The following NFILZ variants were observed in gnomAD, a reference collection of about 807,000 sequenced individuals.
NFILZ encodes NFIL3 like protein.
At chr19:8,647,748 A>AACACACACACACACACACAC (rs138740763) in intron 3 of NFILZ, among the ~76,000 whole-genome samples, 6 of 137,152 alleles carry the variant, frequency 4.4e-5, no homozygotes, top group Non-Finnish European at 7.9e-5. Flanking sequence ...GGAGGGGAAC[A>AACACACACACACACACACAC]ACACACACAC....
At chr19:8,654,021 G>A (rs1201268587) in intron 3 of NFILZ, among the ~76,000 whole-genome samples, 1 of 152,100 alleles carries the variant, frequency 6.6e-6, no homozygotes, top group Non-Finnish European at 1.5e-5. Context: ...CTGAGGTCAG[G>A]AGTTTGAGAA....
chr19:8,640,191 C>G, intron 3 of NFILZ, among the ~76,000 whole-genome samples: 1 of 152,064 alleles, frequency 6.6e-6, no homozygotes, highest in East Asian at 1.9e-4. Flanking sequence ...TGCGGGTGAA[C>G]CGGTCCTGTG....
At chr19:8,655,275 G>A (rs941563665) in intron 3 of NFILZ, among the ~76,000 whole-genome samples, 29 of 152,300 alleles carry the variant, frequency 1.9e-4, no homozygotes, top group Admixed American at 2.0e-4. Flanking sequence ...TTTGCCCCTG[G>A]ATCTTTCTAG....
intron 3 of NFILZ, among the ~76,000 whole-genome samples, chr19:8,649,343 G>A (rs1053571770): frequency 1.6e-4 from 24 of 152,046 alleles, no homozygotes; most frequent in African/African-American, 5.8e-4. Flanking sequence ...TTGGCTCACT[G>A]AAACCTCTAC....
chr19:8,670,497 TGTGA>T (rs1251151304), intron 3 of NFILZ, among the ~76,000 whole-genome samples: 30 of 152,056 alleles, frequency 2.0e-4, no homozygotes, highest in Non-Finnish European at 4.4e-4. Context: ...ATGAGTGAAA[TGTGA>T]GTGAGTGAAT....
At chr19:8,645,349 G>A (rs910270648) in intron 3 of NFILZ, among the ~76,000 whole-genome samples, 2 of 149,830 alleles carry the variant, frequency 1.3e-5, no homozygotes, top group Admixed American at 1.3e-4. Context: ...ATGTTGCCCA[G>A]GCTGGTCTTC....
At chr19:8,659,561 G>T (rs553383887) in intron 3 of NFILZ, among the ~76,000 whole-genome samples, 11 of 152,254 alleles carry the variant, frequency 7.2e-5, no homozygotes, top group African/African-American at 2.6e-4. Context: ...CCCTGTGAGT[G>T]GGGGAAGAGA....
intron 2 of NFILZ, among the ~76,000 whole-genome samples, chr19:8,635,070 G>A (rs1305562948): frequency 6.6e-6 from 1 of 151,982 alleles, no homozygotes; most frequent in African/African-American, 2.4e-5. Flanking sequence ...AGCACTTTGG[G>A]AGGCTGAGGC....
rs2042972035 is a variant in NFILZ, at chr19:8,652,971, CCTTCCTT to C, written c.-164+17227_-164+17233del. Among the ~76,000 whole-genome samples the C allele has an allele frequency of 9.0e-4, 93 of 103,754 alleles. 1 individual carries two copies. The highest frequency in any genetic ancestry group is 1.4e-3 in the African/African-American group (32 of 22,764). The allele number at this position is 103,754 out of a possible 152,430, so 68.1% of individuals were successfully genotyped here. On this transcript the variant is annotated intron_variant, in intron 3 of 5. Transcript: ENST00000691075. Reference sequence around the variant, plus strand: ...CTCTCTTTCTTTCCCTTCCTTCCCTCCTTCCTTCCTTCCTTCCTTCCTTCCTTCCTTC... The same window carrying C: ...CTCTCTTTCTTTCCCTTCCTTCCCTCCCTTCCTTCCTTCCTTCCTTCCTTC...
chr19:8,642,530 A>G (rs2042923381), intron 3 of NFILZ, among the ~76,000 whole-genome samples: 1 of 152,058 alleles, frequency 6.6e-6, no homozygotes, highest in Admixed American at 6.6e-5. Flanking sequence ...GGGCCCATGC[A>G]TGTGGCTACA....
chr19:8,663,707 G>GTGTGTTT (rs1568423285), intron 3 of NFILZ, among the ~76,000 whole-genome samples: 1 of 50,118 alleles, frequency 2.0e-5, no homozygotes, highest in Non-Finnish European at 4.0e-5. Context: ...AACAAGGTGT[G>GTGTGTTT]GTGTGTGTGT....
intron 3 of NFILZ, among the ~76,000 whole-genome samples, chr19:8,662,204 TAA>T (rs113185976): frequency 7.0e-4 from 93 of 133,388 alleles, no homozygotes; most frequent in Middle Eastern, 3.7e-3. Context: ...GACTCTGTCT[TAA>T]AAAAAAAAAA....
intron 3 of NFILZ, among the ~76,000 whole-genome samples, chr19:8,650,198 A>G (rs139946143): frequency 6.6e-6 from 1 of 151,376 alleles, no homozygotes; most frequent in East Asian, 1.9e-4. Context: ...GATAACTTTT[A>G]CATTTTGAAA....
At chr19:8,647,171 T>C (rs904037171) in intron 3 of NFILZ, among the ~76,000 whole-genome samples, 5 of 152,172 alleles carry the variant, frequency 3.3e-5, no homozygotes, top group African/African-American at 1.2e-4. Flanking sequence ...GTTGGTGCAC[T>C]ATTCACAATA....
chr19:8,653,328 A>C (rs1367823087), intron 3 of NFILZ, among the ~76,000 whole-genome samples: 1 of 151,956 alleles, frequency 6.6e-6, no homozygotes, highest in Non-Finnish European at 1.5e-5. Context: ...TGATCTGCCC[A>C]CCTTGGCCTC....
chr19:8,674,172 T>C (rs2043101010), intron 3 of NFILZ, among the ~76,000 whole-genome samples: 1 of 152,092 alleles, frequency 6.6e-6, no homozygotes, highest in South Asian at 2.1e-4. Context: ...AACCAAGATT[T>C]CCAGACATGG....
rs186556136 is a variant in NFILZ at position 8,639,288 on chromosome 19, C to T, written c.-164+3542C>T. On this transcript the variant is annotated intron_variant, in intron 3 of 5. Transcript: ENST00000691075. ...CTTGCAAGATCTCAAGAGTTACAGG[C>T]ATGGCAGGCCAGGCATGGCGGCTCA... Among the ~76,000 whole-genome samples the T allele has an allele frequency of 3.3e-5, 5 of 152,110 alleles. No homozygotes were observed. In the East Asian group the frequency reaches 9.7e-4, roughly 29 times the overall value.
chr19:8,663,758 G>GTATGTGTGTGTGTA (rs1555749464), intron 3 of NFILZ, among the ~76,000 whole-genome samples: 1 of 148,434 alleles, frequency 6.7e-6, no homozygotes, highest in African/African-American at 2.5e-5. Context: ...GTGTGTGTGT[G>GTATGTGTGTGTGTA]TGTGTGTGTG....
intron 3 of NFILZ, among the ~76,000 whole-genome samples, chr19:8,638,269 G>A (rs1447477726): frequency 6.6e-6 from 1 of 152,174 alleles, no homozygotes; most frequent in African/African-American, 2.4e-5. Flanking sequence ...CACTTATCCT[G>A]TTGGTGGTGG....
Sources: allele counts gnomAD v4.1 joint callset (sites outside exome capture counted in the v4.1 genomes callset), GRCh38; gene constraint gnomAD v4.1.1; transcripts MANE v1.5; gene names NCBI Gene and HGNC (gene_info 2026-07-23, HGNC 2026-07-21).